ENG: variants seen among roughly 807,000 people sequenced by gnomAD.
ENG encodes endoglin.
ENG carries 17 observed loss-of-function variants against 71.0 expected under a neutral mutation model. The ratio of observed to expected loss-of-function variants is 0.24; its 90% CI spans 0.16 to 0.36. The LOEUF (loss-of-function observed/expected upper bound fraction) is 0.36. ENG is among the 10% of genes least tolerant of loss of function. The probability of loss-of-function intolerance (pLI) is 1.00; values close to 1 mark genes in which losing one functional copy is unlikely to be tolerated. For synonymous variants in ENG, 360 were observed against 366.9 expected, an observed-to-expected ratio of 0.98 and a Z score of 0.21; for missense variants, 749 against 868.3, an observed-to-expected ratio of 0.86 and a Z score of 1.73.
At position 127,815,481 on chromosome 9, in the gene ENG, G is replaced by A; in HGVS notation, c.*201C>T. ...AGACCCACTGGGTTGAAGGTTCTGTGGGGTGGAGGGACCCCAAGGTGTTCC... is the reference window on the plus strand; with the variant it reads ...AGACCCACTGGGTTGAAGGTTCTGTAGGGTGGAGGGACCCCAAGGTGTTCC... On this transcript the variant is annotated 3_prime_UTR_variant, in exon 15 of 15. Transcript: ENST00000373203. The A allele has an allele frequency of 1.9e-6, 2 of 1,034,830 alleles. No homozygotes were observed. Among genetic ancestry groups the A allele is most frequent in the Admixed American group, 2.9e-5 (1 of 34,416 alleles). The allele number at this position is 1,034,830 out of a possible 1,614,324, so 64.1% of individuals were successfully genotyped here. A position where few individuals can be genotyped will look rare whatever the true frequency, so the allele number is the denominator to read the frequency against.
At position 127,824,294 on chromosome 9, in the gene ENG, G is replaced by A; in HGVS notation, c.1134+10C>T. 6 of 1,614,102 alleles carry A rather than the reference G, an allele frequency of 3.7e-6. No homozygotes were observed. The highest frequency in any genetic ancestry group is 5.1e-6 in the Non-Finnish European group (6 of 1,179,990). On this transcript the variant is annotated intron_variant, in intron 8 of 14. Coordinates refer to ENST00000373203, the MANE Select transcript of ENG (RefSeq NM_001114753.3). ...GTCATCCTGAGCCAGAGGGGCAGGA[G>A]TTCCCTTACCGCAACAAGCTCTTTC... is the stretch of plus-strand genomic sequence containing the variant.
chr9:127,816,543 G>A (rs41331249), intron 13 of ENG: 3,820 of 256,944 alleles, frequency 0.015, 137 homozygotes, highest in African/African-American at 0.076. Context: ...GGGCCAAGCA[G>A]TCTTTCCTTG....
chr9:127,829,449 C>T (rs1365025100), intron 3 of ENG, among the ~76,000 whole-genome samples: 1 of 152,202 alleles, frequency 6.6e-6, no homozygotes, highest in Non-Finnish European at 1.5e-5. Context: ...GCCAGGGCTG[C>T]ACATCAACCT....
chr9:127,831,060 C>T (rs1345375288), intron 2 of ENG, among the ~76,000 whole-genome samples: 2 of 152,042 alleles, frequency 1.3e-5, no homozygotes, highest in Non-Finnish European at 2.9e-5. Flanking sequence ...GCAATACCTA[C>T]CTACCACGTA....
At chr9:127,835,783 G>C (rs1830887077) in intron 2 of ENG, among the ~76,000 whole-genome samples, 1 of 152,132 alleles carries the variant, frequency 6.6e-6, no homozygotes, top group Non-Finnish European at 1.5e-5. Context: ...TGAAAAAAAA[G>C]GGAAGTGCAG....
intron 1 of ENG, among the ~76,000 whole-genome samples, chr9:127,853,025 C>G (rs1829068024): frequency 6.6e-6 from 1 of 152,142 alleles, no homozygotes; most frequent in Non-Finnish European, 1.5e-5. Flanking sequence ...CCTCCCTTTT[C>G]TCTTCTGTAA....
At position 127,843,246 on chromosome 9, in the gene ENG, C is replaced by T. The variant is rs878853659; in HGVS notation, c.68-1G>A. ...TCACAATGGACTGTTTCTGCAAGAC[C>T]TGTTGGAGAAACATCCGGAAAGAGG... On this transcript the variant is annotated splice_acceptor_variant, in intron 1 of 14. Coordinates refer to ENST00000373203, the MANE Select transcript of ENG (RefSeq NM_001114753.3). LOFTEE classifies it high-confidence loss of function. 1 of 1,614,202 alleles carries T rather than the reference C, an allele frequency of 6.2e-7. No homozygotes were observed. Among genetic ancestry groups the T allele is most frequent in the Non-Finnish European group, 8.5e-7 (1 of 1,180,028 alleles).
chr9:127,835,790 G>A (rs1830887408), intron 2 of ENG, among the ~76,000 whole-genome samples: 1 of 152,154 alleles, frequency 6.6e-6, no homozygotes, highest in South Asian at 2.1e-4. Context: ...AAAGGGAAGT[G>A]CAGGTCACAG....
intron 2 of ENG, among the ~76,000 whole-genome samples, chr9:127,841,750 C>T (rs977644907): frequency 2.6e-5 from 4 of 152,192 alleles, no homozygotes; most frequent in African/African-American, 9.7e-5. Context: ...CCACATCAAC[C>T]AGGTGTAATC....
In ENG at chr9:127,846,701, C is replaced by T. The variant is rs967300367; in HGVS notation, c.68-3456G>A. On this transcript the variant is annotated intron_variant, in intron 1 of 14. Coordinates refer to ENST00000373203, the MANE Select transcript of ENG (RefSeq NM_001114753.3). The surrounding 1 kb of genome is among the most constrained non-coding windows in gnomAD (Gnocchi z 5.5). Reference sequence around the variant, plus strand: ...AATGGGGAGACAGGAGGGAGTGTGACGCCTGGGCCTGTCTCCCGGAGCCTG... The same window carrying T: ...AATGGGGAGACAGGAGGGAGTGTGATGCCTGGGCCTGTCTCCCGGAGCCTG... 6.6e-6 allele frequency among the ~76,000 whole-genome samples: 1 copy of T among 152,146 alleles called. No homozygotes were observed. Among genetic ancestry groups the T allele is most frequent in the Non-Finnish European group, 1.5e-5 (1 of 68,034 alleles).
At position 127,824,683 on chromosome 9, in the gene ENG, G is replaced by T. The variant is rs574441297; in HGVS notation, c.991+117C>A. ...GTTCCCATGTGCAGATGAGAAAAAT[G>T]AGGCTCAGAGAGGCTGATGTACCTT... On this transcript the variant is annotated intron_variant, in intron 7 of 14. Transcript: ENST00000373203. The T allele has an allele frequency of 9.8e-6, 12 of 1,223,656 alleles. No homozygotes were observed. In the Admixed American group the frequency reaches 3.2e-4, roughly 33 times the overall value. 75.8% of individuals were successfully genotyped at this position (1,223,656 alleles called of 1,614,324 possible).
At position 127,825,769 on chromosome 9, in the gene ENG, C is replaced by T; in HGVS notation, c.615G>A (p.Arg205=). ...EWRPRTPALV[R]GCHLEGVAGH... ...CGGCCACGCCTTCCAAGTGGCAGCC[C>T]CGGACCAAGGCTGGAGTACGCGGCC... Residue 205 remains arginine (R), a synonymous_variant, in exon 5 of 15, where the codon CGG becomes CGA. Coordinates refer to ENST00000373203, the MANE Select transcript of ENG (RefSeq NM_001114753.3). 2 of 1,599,072 alleles carry T rather than the reference C, an allele frequency of 1.3e-6. No homozygotes were observed. Among genetic ancestry groups the T allele is most frequent in the Non-Finnish European group, 1.7e-6 (2 of 1,174,476 alleles).
chr9:127,843,298 G>A (rs191894326), intron 1 of ENG, 53 bp from the exon 2 acceptor site: 19 of 1,612,688 alleles, frequency 1.2e-5, no homozygotes, highest in Admixed American at 3.3e-5. Context: ...TGATGACAAT[G>A]ACTCCTACTT....
rs1830436559 is a variant in ENG at position 127,820,081 on chromosome 9, C to T, written c.1135-44G>A. 8 of 1,602,800 alleles carry T rather than the reference C, an allele frequency of 5.0e-6. No homozygotes were observed. The East Asian group carries it at 1.8e-4, about 36-fold the overall frequency. ...GCACCATCAGGAGGCACTGGGGTCT[C>T]TGTGGCCTGCCACACCCCAGCACCA... On this transcript the variant is annotated intron_variant, in intron 8 of 14. Coordinates refer to ENST00000373203, the MANE Select transcript of ENG (RefSeq NM_001114753.3).
Position 127,829,725 on chromosome 9 carries a change from G to T in ENG, c.322C>A (p.His108Asn). ...AGTGGGATTCCCAGGGCCTGGAGAT[G>T]CAGGAAGACACTGCTGTTTACACTG... ...VLSVNSSVFLHLQALGIPLHL... is the reference protein window; with the variant it reads ...VLSVNSSVFLNLQALGIPLHL... The change falls in exon 3 of 15, where the codon CAT becomes AAT. Residue 108 changes from histidine (H) to asparagine (N), a missense_variant. Coordinates refer to ENST00000373203, the MANE Select transcript of ENG (RefSeq NM_001114753.3). The T allele has an allele frequency of 6.2e-7, 1 of 1,614,166 alleles. No individual in the cohort carries two copies. Among genetic ancestry groups the T allele is most frequent in the Non-Finnish European group, 8.5e-7 (1 of 1,180,020 alleles).
chr9:127,847,899 T>A (rs997203686), intron 1 of ENG, among the ~76,000 whole-genome samples: 1 of 152,298 alleles, frequency 6.6e-6, no homozygotes, highest in African/African-American at 2.4e-5. Context: ...TCCCCCCTGG[T>A]TCTACGATGC....
At position 127,824,882 on chromosome 9, in the gene ENG, G is replaced by A. The variant is rs200306464; in HGVS notation, c.909C>T (p.Ala303=). 821 of 1,613,010 alleles carry A rather than the reference G, an allele frequency of 5.1e-4. 8 individuals are homozygous for A. The South Asian group carries it at 8.6e-3, about 17-fold the overall frequency. The change falls in exon 7 of 15, where the codon GCC becomes GCT. Residue 303 remains alanine, a synonymous_variant. Coordinates refer to ENST00000373203, the MANE Select transcript of ENG (RefSeq NM_001114753.3). ...PDTPQGLLGE[A]RMLNASIVAS... is the part of the protein sequence containing the mutation. The stretch of plus-strand genomic sequence containing the variant: ...CCACAATGCTGGCATTGAGCATCCG[G>A]GCCTCCCCCAGGAGGCCTTGAGGTG...
rs1830294667 is a variant in ENG, at chr9:127,815,796, G to C, written c.1863C>G (p.Ser621Arg). Residue 621 changes from serine (S) to arginine (R), a missense_variant, in exon 15 of 15, where the codon AGC becomes AGG. Physicochemically the swap from Ser to Arg is moderately radical, Grantham distance 110 (BLOSUM62 -1). Transcript: ENST00000373203. Reference protein sequence around the residue: ...WYIYSHTRSPSKREPVVAVAA... With the variant: ...WYIYSHTRSPRKREPVVAVAA... Reference sequence around the variant, plus strand: ...CCACCGCCACCACGGGCTCCCGCTTGCTGGGGGAACCTGGGAGCGGGAGCG... The same window carrying C: ...CCACCGCCACCACGGGCTCCCGCTTCCTGGGGGAACCTGGGAGCGGGAGCG... 1.3e-6 allele frequency: 2 copies of C among 1,546,614 alleles called. No homozygotes were observed.
rs992021844 is a variant in ENG, at chr9:127,818,044, C to A, written c.1686+76G>T. ...CCAGCTGGCCCCACATCCCTGTGGG[C>A]TGCCATGTCCCTTCCTGCAAACCAC... On this transcript the variant is annotated intron_variant, in intron 12 of 14. Coordinates refer to ENST00000373203, the MANE Select transcript of ENG (RefSeq NM_001114753.3). 12 of 1,608,206 alleles carry A rather than the reference C, an allele frequency of 7.5e-6. No individual in the cohort carries two copies. The Admixed American group carries it at 8.3e-5, about 11-fold the overall frequency.
Sources: gnomAD v4.1 joint callset for allele counts (sites outside exome capture counted in the v4.1 genomes callset) on GRCh38, gnomAD v4.1.1 for gene constraint, Gnocchi (gnomAD v3.1) non-coding constraint, MANE v1.5 for transcripts, NCBI Gene and HGNC (gene_info 2026-07-23, HGNC 2026-07-21) for gene names.